UBE3B: variants seen among roughly 807,000 people sequenced by gnomAD.
UBE3B encodes the protein ubiquitin-protein ligase E3B.
A neutral mutation model predicts 132.3 loss-of-function variants in UBE3B; 80 were observed. That is an observed-to-expected ratio of 0.60 (90% CI 0.50 to 0.73). The LOEUF (loss-of-function observed/expected upper bound fraction) is 0.73. Among genes scored for constraint, UBE3B ranks in the 30% least tolerant of loss-of-function variants. The pLI, the probability that UBE3B is intolerant of heterozygous loss-of-function variation, is 0.00. For missense variants in UBE3B, 1,196 were observed against 1,362.5 expected, an observed-to-expected ratio of 0.88 and a Z score of 1.92; for synonymous variants, 487 against 520.4, an observed-to-expected ratio of 0.94 and a Z score of 0.87.
rs747564887 is a variant in UBE3B, at chr12:109,524,104, A to G, written c.2491A>G (p.Thr831Ala). The change falls in exon 22 of 28, where the codon ACC becomes GCC. Residue 831 changes from threonine to alanine, a missense_variant. By Grantham distance (58) the Thr-to-Ala change is moderately conservative (BLOSUM62 0). Coordinates refer to ENST00000342494, the MANE Select transcript of UBE3B (RefSeq NM_130466.4). ...GGACTCCGAGTTCTATAAAAACCTCACCTCCATCAAGGTGAGCATGGAATG... is the reference window on the plus strand; with the variant it reads ...GGACTCCGAGTTCTATAAAAACCTCGCCTCCATCAAGGTGAGCATGGAATG... ...SLDSEFYKNL[T>A]SIKRYDGDIT... 4.3e-6 allele frequency: 7 copies of G among 1,613,776 alleles called. No homozygotes were observed. Among genetic ancestry groups the G allele is most frequent in the Middle Eastern group, 1.6e-4 (1 of 6,078 alleles).
In UBE3B at chr12:109,488,555, G is replaced by A. The variant is rs369783919; in HGVS notation, c.448-17G>A. 8.1e-6 allele frequency: 13 copies of A among 1,608,930 alleles called. No individual in the cohort carries two copies. Among genetic ancestry groups the A allele is most frequent in the Admixed American group, 6.7e-5 (4 of 60,022 alleles). ...AGAAGACGTGTGTCTTAATCTTGCT[G>A]TGTTTATTGTTTCCAGCCTGAAATC... On this transcript the variant is annotated splice_polypyrimidine_tract_variant and intron_variant, in intron 6 of 27. Coordinates refer to ENST00000342494, the MANE Select transcript of UBE3B (RefSeq NM_130466.4).
intron 19 of UBE3B, 93 bp downstream of exon 19, chr12:109,516,977 C>A: frequency 6.7e-7 from 1 of 1,497,302 alleles, no homozygotes; most frequent in Non-Finnish European, 8.9e-7. Flanking sequence ...TTGAACTGTT[C>A]CTGTTACTCC....
At chr12:109,523,790 GT>G (rs1235854329) in intron 21 of UBE3B, among the ~76,000 whole-genome samples, 187 bp from the exon 22 acceptor site, 3 of 152,232 alleles carry the variant, frequency 2.0e-5, no homozygotes, top group Non-Finnish European at 4.4e-5. Context: ...CCACTGCGCT[GT>G]CCCCAGGAGG....
At chr12:109,546,785 C>A in the UBE3B span, among the ~76,000 whole-genome samples, 4 of 152,200 alleles carry the variant, frequency 2.6e-5, no homozygotes, top group African/African-American at 9.7e-5. Flanking sequence ...TCTCGGCTCG[C>A]TGCAACTTCT....
downstream of UBE3B, among the ~76,000 whole-genome samples, chr12:109,537,491 G>A (rs7971760): frequency 0.013 from 2,001 of 152,284 alleles, 20 homozygotes; most frequent in Non-Finnish European, 0.02. Context: ...ATCCAGTCAG[G>A]AAAGAACCCT....
intron 16 of UBE3B, 129 bp from the exon 17 acceptor site, chr12:109,510,215 C>G (rs1880187673): frequency 1.3e-6 from 1 of 741,562 alleles, no homozygotes; most frequent in Non-Finnish European, 2.2e-6. Flanking sequence ...TTAATTCTGT[C>G]GGTTCCACAT....
At chr12:109,491,194 T>A in intron 9 of UBE3B, 67 bp downstream of exon 9, 3 of 1,504,824 alleles carry the variant, frequency 2.0e-6, no homozygotes, top group Non-Finnish European at 2.8e-6. Context: ...GGTTTTTCTT[T>A]CTCTCGTTAC....
At chr12:109,537,366 C>T (rs75598829), downstream of UBE3B, among the ~76,000 whole-genome samples, 303 of 152,280 alleles carry the variant, frequency 2.0e-3, 13 homozygotes, top group East Asian at 0.049. Flanking sequence ...AGGTGTTTGC[C>T]CCGCCTTGGT....
Position 109,509,758 on chromosome 12 carries a change from C to T in UBE3B, c.1741+44C>T, listed in dbSNP as rs762033971. On this transcript the variant is annotated intron_variant, in intron 16 of 27. Coordinates refer to ENST00000342494, the MANE Select transcript of UBE3B (RefSeq NM_130466.4). The stretch of plus-strand genomic sequence containing the variant: ...GCTGTTGTTTGGTTGATGCTGCACC[C>T]AGGGAGGCCGAAGAGTCTATGGCAT... The T allele has an allele frequency of 6.0e-6, 8 of 1,328,774 alleles. No individual in the cohort carries two copies. In the South Asian group the frequency reaches 9.3e-5, roughly 15 times the overall value. The allele number at this position is 1,328,774 out of a possible 1,614,324, so 82.3% of individuals were successfully genotyped here. A position where few individuals can be genotyped will look rare whatever the true frequency, so the allele number is the denominator to read the frequency against.
downstream of UBE3B, among the ~76,000 whole-genome samples, chr12:109,540,619 G>A (rs535481073): frequency 6.6e-5 from 10 of 152,192 alleles, 1 homozygote; most frequent in African/African-American, 2.2e-4. Context: ...GACACTTGTC[G>A]GAATGGCACA....
rs942791915 is a variant in UBE3B, at chr12:109,522,114, T to C, written c.2364+563T>C. 6.6e-6 allele frequency among the ~76,000 whole-genome samples: 1 copy of C among 152,218 alleles called. No homozygotes were observed. Among genetic ancestry groups the C allele is most frequent in the African/African-American group, 2.4e-5 (1 of 41,452 alleles). ...TCAAGTTTCTTTAGTTTTTAAGCCG[T>C]GTTCTCGCATCAGTAAAGTGGAGAT... is the stretch of plus-strand genomic sequence containing the variant. On this transcript the variant is annotated intron_variant, in intron 21 of 27. Transcript: ENST00000342494. The surrounding 1 kb of genome is among the most constrained non-coding windows in gnomAD (Gnocchi z 4.2).
rs560782394 is a variant in UBE3B at position 109,487,979 on chromosome 12, TG to T, written c.448-592del. ...GCTTGACTTACACTTGGTGAAACAA[TG>T]AACTGTCATCAAAATTAGAACAGCA... On this transcript the variant is annotated intron_variant, in intron 6 of 27. Coordinates refer to ENST00000342494, the MANE Select transcript of UBE3B (RefSeq NM_130466.4). Among the ~76,000 whole-genome samples the T allele has an allele frequency of 1.8e-3, 272 of 152,308 alleles. 5 individuals are homozygous for T. Among genetic ancestry groups the T allele is most frequent in the African/African-American group, 6.2e-3 (259 of 41,584 alleles).
chr12:109,503,204 A>G lies in UBE3B; in HGVS notation c.1450+14A>G, dbSNP rs779620109. ...AGATACTCACAGGTTCGCAGTCCCC[A>G]GGGCATCTTCTTCACCTCTCACATT... On this transcript the variant is annotated intron_variant, in intron 14 of 27. Coordinates refer to ENST00000342494, the MANE Select transcript of UBE3B (RefSeq NM_130466.4). The G allele has an allele frequency of 1.9e-6, 3 of 1,609,976 alleles. No homozygotes were observed. The highest frequency in any genetic ancestry group is 1.7e-5 in the Admixed American group (1 of 59,720).
chr12:109,478,896 C>G (rs112395120), intron 1 of UBE3B, among the ~76,000 whole-genome samples: 1,851 of 152,320 alleles, frequency 0.012, 29 homozygotes, highest in African/African-American at 0.037. Flanking sequence ...GGTCATTAAA[C>G]CTGGTGGCCC....
intron 14 of UBE3B, among the ~76,000 whole-genome samples, chr12:109,504,357 C>T (rs553351024): frequency 6.6e-6 from 1 of 152,306 alleles, no homozygotes; most frequent in East Asian, 1.9e-4. Flanking sequence ...AAGCCACTGG[C>T]CTAGTTTAGT....
In UBE3B at chr12:109,534,232, G is replaced by A. The variant is rs2241204; in HGVS notation, c.3016-359G>A. The A allele has an allele frequency of 0.18, 220,789 of 1,249,096 alleles. 19,835 individuals are homozygous for A. The highest frequency in any genetic ancestry group is 0.18 in the Middle Eastern group (536 of 2,940). 77.4% of individuals were successfully genotyped at this position (1,249,096 alleles called of 1,614,324 possible). On this transcript the variant is annotated intron_variant, in intron 27 of 27. Coordinates refer to ENST00000342494, the MANE Select transcript of UBE3B (RefSeq NM_130466.4). This position sits in a 1 kb window ranked among gnomAD's most constrained non-coding sequence, Gnocchi z 5.2. The stretch of plus-strand genomic sequence containing the variant: ...ATGGTCTGCCACCGGCCACAGCACC[G>A]GTGAGGAGGGAGGAGTGCATTCAGA...
At position 109,526,339 on chromosome 12, in the gene UBE3B, C is replaced by A; in HGVS notation, c.2569-19C>A. Reference sequence around the variant, plus strand: ...CCATTAGAGTCCTCCCTATTAATTACTCCCATCTTCTCCCCCAGCTTGTTT... The same window carrying A: ...CCATTAGAGTCCTCCCTATTAATTAATCCCATCTTCTCCCCCAGCTTGTTT... On this transcript the variant is annotated intron_variant, in intron 23 of 27. Coordinates refer to ENST00000342494, the MANE Select transcript of UBE3B (RefSeq NM_130466.4). The A allele has an allele frequency of 6.2e-7, 1 of 1,613,790 alleles. No individual in the cohort carries two copies. Among genetic ancestry groups the A allele is most frequent in the Non-Finnish European group, 8.5e-7 (1 of 1,179,754 alleles).
intron 8 of UBE3B, 100 bp from the exon 9 acceptor site, chr12:109,490,944 GT>G: frequency 7.6e-7 from 1 of 1,320,308 alleles, no homozygotes. Context: ...TCACAATACA[GT>G]TTTTTTATCT....
chr12:109,546,673 C>G, the UBE3B span, among the ~76,000 whole-genome samples: 1 of 152,196 alleles, frequency 6.6e-6, no homozygotes. Context: ...TTTTGGGCAC[C>G]TGCTGTGTGC....
Sources: gnomAD v4.1 joint callset for allele counts (sites outside exome capture counted in the v4.1 genomes callset) on GRCh38, gnomAD v4.1.1 for gene constraint, Gnocchi (gnomAD v3.1) non-coding constraint, MANE v1.5 for transcripts, NCBI Gene and HGNC (gene_info 2026-07-23, HGNC 2026-07-21) for gene names.